The following INSC variants were observed in gnomAD, a reference collection of about 807,000 sequenced individuals.
INSC encodes the protein protein inscuteable homolog.
A neutral mutation model predicts 58.6 loss-of-function variants in INSC; 67 were observed. The observed-to-expected ratio is 1.14, with a 90% confidence interval of 0.94 to 1.40. INSC has a LOEUF of 1.40. Among genes scored for constraint, INSC ranks in the 40% most tolerant of loss-of-function variants. The pLI, the probability that INSC is intolerant of heterozygous loss-of-function variation, is 0.00. For missense variants in INSC, 714 were observed against 692.0 expected, an observed-to-expected ratio of 1.03 and a Z score of -0.36; for synonymous variants, 262 against 276.1, an observed-to-expected ratio of 0.95 and a Z score of 0.51.
At chr11:15,116,762 C>T (rs1847705280) in intron 1 of INSC, among the ~76,000 whole-genome samples, 1 of 148,944 alleles carries the variant, frequency 6.7e-6, no homozygotes, top group Admixed American at 6.7e-5. Flanking sequence ...TCCTTCCTTC[C>T]ATTCTTTCTT....
intron 2 of INSC, among the ~76,000 whole-genome samples, chr11:15,158,847 T>G (rs920652427): frequency 3.4e-5 from 5 of 148,016 alleles, no homozygotes; most frequent in Non-Finnish European, 5.9e-5. Context: ...TATAACCAGA[T>G]GAATTGTTGG....
chr11:15,228,763 C>T (rs116957690), intron 9 of INSC, among the ~76,000 whole-genome samples: 4,660 of 152,318 alleles, frequency 0.031, 66 homozygotes, highest in Middle Eastern at 0.045. Flanking sequence ...AATGAGAACC[C>T]TTCCATCATC....
At chr11:15,129,657 T>A (rs570633822) in intron 1 of INSC, among the ~76,000 whole-genome samples, 19 of 152,362 alleles carry the variant, frequency 1.2e-4, no homozygotes, top group Non-Finnish European at 2.5e-4. Context: ...TAATGACCTC[T>A]CTTCTAAATT....
At chr11:15,239,203 C>A in intron 11 of INSC, 129 bp downstream of exon 11, 1 of 1,160,480 alleles carries the variant, frequency 8.6e-7, no homozygotes, top group Non-Finnish European at 1.2e-6. Context: ...TCTCTGGGGG[C>A]TCAGGGGTGG....
At chr11:15,188,644 C>T (rs968120499) in intron 5 of INSC, among the ~76,000 whole-genome samples, 4 of 152,184 alleles carry the variant, frequency 2.6e-5, no homozygotes, top group Admixed American at 1.3e-4. Flanking sequence ...TTCACTGAGA[C>T]ATATCTGAGG....
chr11:15,266,536 C>T, the INSC span, among the ~76,000 whole-genome samples: 1 of 151,900 alleles, frequency 6.6e-6, no homozygotes, highest in Non-Finnish European at 1.5e-5. Flanking sequence ...AATATTTTTC[C>T]TATATACCTT....
At chr11:15,138,075 G>C (rs1848287737) in intron 1 of INSC, among the ~76,000 whole-genome samples, 1 of 152,176 alleles carries the variant, frequency 6.6e-6, no homozygotes, top group South Asian at 2.1e-4. Flanking sequence ...GCCCAGAGGA[G>C]AGGGAGAAAG....
chr11:15,162,060 C>T (rs1673756490), intron 2 of INSC, among the ~76,000 whole-genome samples: 2 of 152,020 alleles, frequency 1.3e-5, no homozygotes, highest in South Asian at 4.2e-4. Context: ...TTTATAAAGC[C>T]CTCACTGAGA....
At chr11:15,167,650 T>C (rs1849249076) in intron 2 of INSC, among the ~76,000 whole-genome samples, 2 of 151,732 alleles carry the variant, frequency 1.3e-5, no homozygotes, top group Admixed American at 6.6e-5. Flanking sequence ...TTATTAATAA[T>C]AATAATTATT....
At chr11:15,132,055 T>C (rs969178814) in intron 1 of INSC, among the ~76,000 whole-genome samples, 5 of 152,170 alleles carry the variant, frequency 3.3e-5, no homozygotes. Context: ...CTCCTCTACA[T>C]AGTTGGAGGG....
In INSC at chr11:15,246,217, C is replaced by T; in HGVS notation, c.*177C>T. The T allele has an allele frequency of 1.8e-6, 1 of 546,506 alleles. No homozygotes were observed. The highest frequency in any genetic ancestry group is 3.7e-5 in the South Asian group (1 of 26,762). 33.9% of individuals were successfully genotyped at this position (546,506 alleles called of 1,614,324 possible). A position where few individuals can be genotyped will look rare whatever the true frequency, so the allele number is the denominator to read the frequency against. On this transcript the variant is annotated 3_prime_UTR_variant, in exon 13 of 13. Coordinates refer to ENST00000379556, the MANE Select transcript of INSC (RefSeq NM_001042536.3). Reference sequence around the variant, plus strand: ...GCAACATCATCAAACAGTCTTTGGTCCTTGAGAATCTTCTTTGTGTTTTAT... The same window carrying T: ...GCAACATCATCAAACAGTCTTTGGTTCTTGAGAATCTTCTTTGTGTTTTAT...
intron 9 of INSC, among the ~76,000 whole-genome samples, chr11:15,232,880 C>T (rs1342537397): frequency 6.6e-6 from 1 of 152,164 alleles, no homozygotes; most frequent in South Asian, 2.1e-4. Flanking sequence ...AATTGATTTT[C>T]CCCTAGAGCC....
At chr11:15,158,874 T>TTTTC (rs1174209165) in intron 2 of INSC, among the ~76,000 whole-genome samples, 1 of 148,758 alleles carries the variant, frequency 6.7e-6, no homozygotes, top group Non-Finnish European at 1.5e-5. Context: ...TTTTTTTTTT[T>TTTTC]TTTTTTTGCC....
At chr11:15,191,278 C>T (rs1011437766) in intron 6 of INSC, among the ~76,000 whole-genome samples, 12 of 150,772 alleles carry the variant, frequency 8.0e-5, no homozygotes, top group African/African-American at 1.7e-4. Flanking sequence ...CGTGCCCGGC[C>T]GGTGTCTGCA....
chr11:15,232,541 G>A (rs1331666100), intron 9 of INSC, among the ~76,000 whole-genome samples: 1 of 152,194 alleles, frequency 6.6e-6, no homozygotes, highest in Non-Finnish European at 1.5e-5. Flanking sequence ...TTAAAGGCAT[G>A]AGCTATGGTG....
At chr11:15,113,177 G>A (rs1190982514), upstream of INSC, among the ~76,000 whole-genome samples, 2 of 57,632 alleles carry the variant, frequency 3.5e-5, no homozygotes, top group Non-Finnish European at 8.2e-5. Flanking sequence ...CTTTTTTGAT[G>A]CAATCTCACT....
chr11:15,114,942 G>C lies in INSC; in HGVS notation c.-107G>C, dbSNP rs567184617. 29 of 985,458 alleles carry C rather than the reference G, an allele frequency of 2.9e-5. 1 individual carries two copies. The East Asian group carries it at 9.1e-4, about 31-fold the overall frequency. 61.0% of individuals were successfully genotyped at this position (985,458 alleles called of 1,614,324 possible). A position where few individuals can be genotyped will look rare whatever the true frequency, so the allele number is the denominator to read the frequency against. ...GCGGCCACTTTGCGCGCGGCCTCTGGAGCTCCAGCTGCGCCCCGCCACCAC... is the reference window on the plus strand; with the variant it reads ...GCGGCCACTTTGCGCGCGGCCTCTGCAGCTCCAGCTGCGCCCCGCCACCAC... On this transcript the variant is annotated 5_prime_UTR_variant, in exon 1 of 13. Coordinates refer to ENST00000379556, the MANE Select transcript of INSC (RefSeq NM_001042536.3).
intron 3 of INSC, 115 bp downstream of exon 3, chr11:15,176,201 C>T (rs1224056835): frequency 2.1e-5 from 17 of 828,258 alleles, no homozygotes; most frequent in African/African-American, 1.2e-4. Context: ...CCTTTCTCCC[C>T]TTCCAGTAAA....
chr11:15,226,685 C>T (rs78551414), intron 9 of INSC, among the ~76,000 whole-genome samples: 1,989 of 152,316 alleles, frequency 0.013, 11 homozygotes, highest in Non-Finnish European at 0.019. Flanking sequence ...TATCTCTTAA[C>T]TGAAGCTGCT....
Sources: allele counts gnomAD v4.1 joint callset (sites outside exome capture counted in the v4.1 genomes callset), GRCh38; gene constraint gnomAD v4.1.1; transcripts MANE v1.5; gene names NCBI Gene and HGNC (gene_info 2026-07-23, HGNC 2026-07-21).